Variants in NUMB observed in about 807,000 individuals in gnomAD.
The protein encoded by NUMB is protein numb homolog.
Under a neutral mutation model 59.7 loss-of-function variants are expected in NUMB, and 29 were observed. The ratio of observed to expected loss-of-function variants is 0.49; its 90% CI spans 0.36 to 0.66. The LOEUF is 0.66. NUMB is among the 30% of genes least tolerant of loss of function. The probability of loss-of-function intolerance (pLI) is 0.00; values close to 1 mark genes in which losing one functional copy is unlikely to be tolerated. For synonymous variants in NUMB, 288 were observed against 288.2 expected (o/e 1.00, Z 0.01); for missense variants, 723 against 822.0 (o/e 0.88, Z 1.47).
At chr14:73,426,833 C>T (rs975212937) in intron 1 of NUMB, among the ~76,000 whole-genome samples, 3 of 151,296 alleles carry the variant, frequency 2.0e-5, no homozygotes, top group Non-Finnish European at 4.4e-5. Flanking sequence ...GGGGACAGAG[C>T]GAGACTCCAT....
chr14:73,453,294 G>A (rs1384649770), intron 1 of NUMB, among the ~76,000 whole-genome samples: 4 of 151,158 alleles, frequency 2.6e-5, no homozygotes, highest in South Asian at 4.2e-4. Flanking sequence ...CACCACGCCC[G>A]GCTAATTTTG....
At chr14:73,407,282 T>C (rs957520160) in intron 2 of NUMB, among the ~76,000 whole-genome samples, 1 of 152,068 alleles carries the variant, frequency 6.6e-6, no homozygotes, top group African/African-American at 2.4e-5. Context: ...CAAAACCCCA[T>C]TTCTACAAAA....
chr14:73,348,456 G>C (rs1314933251), intron 4 of NUMB, among the ~76,000 whole-genome samples: 2 of 152,164 alleles, frequency 1.3e-5, no homozygotes, highest in African/African-American at 4.8e-5. Flanking sequence ...TTAGGAAATG[G>C]GCCACACAGC....
intron 2 of NUMB, among the ~76,000 whole-genome samples, chr14:73,407,170 A>C (rs906518732): frequency 2.1e-4 from 32 of 151,984 alleles, no homozygotes; most frequent in Non-Finnish European, 2.2e-4. Context: ...GCAAAAAAAA[A>C]ACAAAAAAAA....
intron 4 of NUMB, among the ~76,000 whole-genome samples, chr14:73,341,475 A>T (rs1892626664): frequency 6.6e-6 from 1 of 152,164 alleles, no homozygotes; most frequent in South Asian, 2.1e-4. Flanking sequence ...ATTATTTTTT[A>T]AAAATTAAAA....
At chr14:73,352,507 TATATATATATATATATA>T (rs1893420302) in intron 4 of NUMB, among the ~76,000 whole-genome samples, 7 of 15,974 alleles carry the variant, frequency 4.4e-4, no homozygotes, top group Admixed American at 8.5e-4. Context: ...TATATATATA[TATATATATATATATATA>T]TATATGTTTT....
intron 1 of NUMB, among the ~76,000 whole-genome samples, chr14:73,424,028 G>T (rs750391112): frequency 6.6e-6 from 1 of 150,690 alleles, no homozygotes; most frequent in Non-Finnish European, 1.5e-5. Flanking sequence ...AATGACAGAC[G>T]GTTGTATTAA....
Position 73,276,393 on chromosome 14 carries a change from G to A in NUMB, c.*185C>T, listed in dbSNP as rs1277592405. The A allele has an allele frequency of 7.2e-6, 4 of 559,280 alleles. No individual in the cohort carries two copies. The highest frequency in any genetic ancestry group is 9.4e-6 in the Non-Finnish European group (3 of 318,546). The allele number at this position is 559,280 out of a possible 1,614,324, so 34.6% of individuals were successfully genotyped here. On this transcript the variant is annotated 3_prime_UTR_variant, in exon 13 of 13. Transcript: ENST00000555238. ...CTAATTGCAAGGCAGCTTTTCTCTA[G>A]GAATGCTTTTTCCCATGTCTTTCAA...
At chr14:73,279,875 G>C (rs1888490760) in intron 11 of NUMB, among the ~76,000 whole-genome samples, 1 of 152,212 alleles carries the variant, frequency 6.6e-6, no homozygotes, top group Non-Finnish European at 1.5e-5. Flanking sequence ...GTTAAAAATA[G>C]GCCAGGTGTG....
Position 73,398,413 on chromosome 14 carries a change from A to AGTGTGTGTGT in NUMB, c.-101+11523_-101+11524insACACACACAC, listed in dbSNP as rs1452367894. The stretch of plus-strand genomic sequence containing the variant: ...CACACAGAGAGAGAGAGAGAGAGAG[A>AGTGTGTGTGT]GAGTGTGTGTGTGTGTGTGTGTGTG... On this transcript the variant is annotated intron_variant, in intron 2 of 12. Coordinates refer to ENST00000555238, the MANE Select transcript of NUMB (RefSeq NM_001005743.2). Among the ~76,000 whole-genome samples the AGTGTGTGTGT allele has an allele frequency of 5.7e-4, 67 of 117,764 alleles. 1 individual carries two copies. The East Asian group carries it at 9.7e-3, about 17-fold the overall frequency. 77.3% of individuals were successfully genotyped at this position (117,764 alleles called of 152,430 possible).
intron 2 of NUMB, among the ~76,000 whole-genome samples, chr14:73,381,722 CAT>C (rs1476105849): frequency 4.6e-5 from 7 of 152,166 alleles, no homozygotes; most frequent in Admixed American, 3.3e-4. Context: ...GCAGAATCCT[CAT>C]ATGTTTGCCT....
intron 1 of NUMB, among the ~76,000 whole-genome samples, chr14:73,422,904 G>A (rs1441652962): frequency 1.0e-5 from 1 of 100,160 alleles, no homozygotes. Flanking sequence ...AAGAGATCCT[G>A]TCTCAAAAAA....
At chr14:73,289,979 C>T (rs956172581) in intron 8 of NUMB, among the ~76,000 whole-genome samples, 2 of 152,164 alleles carry the variant, frequency 1.3e-5, no homozygotes, top group Non-Finnish European at 2.9e-5. Flanking sequence ...TCTTAAGTAC[C>T]AACCCCAAAC....
intron 1 of NUMB, among the ~76,000 whole-genome samples, chr14:73,451,179 A>AAC (rs1776328932): frequency 1.3e-5 from 2 of 148,856 alleles, no homozygotes; most frequent in African/African-American, 5.0e-5. Flanking sequence ...AAAAAACAAA[A>AAC]AACAAATCTA....
At chr14:73,301,803 G>A (rs533905837) in intron 6 of NUMB, among the ~76,000 whole-genome samples, 6 of 152,214 alleles carry the variant, frequency 3.9e-5, no homozygotes, top group Admixed American at 2.0e-4. Context: ...ATGTGTGGCC[G>A]GGTGTGGTGG....
chr14:73,414,153 C>T (rs1468429910), intron 1 of NUMB, among the ~76,000 whole-genome samples: 1 of 152,002 alleles, frequency 6.6e-6, no homozygotes, highest in East Asian at 1.9e-4. Context: ...GACGGGGTTT[C>T]ACCATGTTGG....
Position 73,276,308 on chromosome 14 carries a change from T to G in NUMB, c.*270A>C. 5.6e-6 allele frequency: 2 copies of G among 360,220 alleles called. No individual in the cohort carries two copies. The highest frequency in any genetic ancestry group is 7.8e-4 in the Middle Eastern group (1 of 1,276). The allele number at this position is 360,220 out of a possible 1,614,324, so 22.3% of individuals were successfully genotyped here. ...TACTTTGCCTCTCTGTTGCCAGAGATTTGTAAGGGGGTAAGGGAAGAGGGA... is the reference window on the plus strand; with the variant it reads ...TACTTTGCCTCTCTGTTGCCAGAGAGTTGTAAGGGGGTAAGGGAAGAGGGA... On this transcript the variant is annotated 3_prime_UTR_variant, in exon 13 of 13. Coordinates refer to ENST00000555238, the MANE Select transcript of NUMB (RefSeq NM_001005743.2).
At chr14:73,315,918 A>G (rs959387410) in intron 6 of NUMB, among the ~76,000 whole-genome samples, 1 of 151,940 alleles carries the variant, frequency 6.6e-6, no homozygotes, top group East Asian at 1.9e-4. Context: ...ACAGAGTCTC[A>G]CTCTGTCACC....
chr14:73,454,269 T>C (rs1268089190), intron 1 of NUMB, among the ~76,000 whole-genome samples: 2 of 152,102 alleles, frequency 1.3e-5, no homozygotes, highest in Admixed American at 1.3e-4. Context: ...GAATTCAAGA[T>C]CTATTCTCTA....
Sources: gnomAD v4.1 joint callset for allele counts (sites outside exome capture counted in the v4.1 genomes callset) on GRCh38, gnomAD v4.1.1 for gene constraint, MANE v1.5 for transcripts, NCBI Gene and HGNC (gene_info 2026-07-23, HGNC 2026-07-21) for gene names.